Variants in SNRPN observed in about 807,000 individuals in gnomAD.
SNRPN encodes the protein small nuclear ribonucleoprotein polypeptide N, also known as small nuclear ribonucleoprotein-associated protein N.
Under a neutral mutation model 25.2 loss-of-function variants are expected in SNRPN, and 7 were observed. The observed-to-expected ratio is 0.28, with a 90% CI of 0.16 to 0.52. The LOEUF (loss-of-function observed/expected upper bound fraction) is 0.52, where lower values mean the gene tolerates loss of function less well. Ranked by LOEUF, SNRPN falls within the 20% of genes least tolerant of loss-of-function variation. The probability of loss-of-function intolerance (pLI) is 0.96; values close to 1 mark genes in which losing one functional copy is unlikely to be tolerated. For synonymous variants in SNRPN, 124 were observed against 110.6 expected, an observed-to-expected ratio of 1.12 and a Z score of -0.76; for missense variants, 196 against 322.5, an observed-to-expected ratio of 0.61 and a Z score of 3.00.
At chr15:24,938,954 T>A (rs908019481) in intron 3 of SNRPN, among the ~76,000 whole-genome samples, 2 of 152,150 alleles carry the variant, frequency 1.3e-5, no homozygotes, top group Admixed American at 1.3e-4. Context: ...TATTCGAGAA[T>A]TAGCTAGCTT....
rs187981721 is a variant in SNRPN at position 24,871,225 on chromosome 15, T to A, written c.-579+14509T>A. Among the ~76,000 whole-genome samples the A allele has an allele frequency of 5.2e-4, 79 of 152,092 alleles. No individual in the cohort carries two copies. In the East Asian group the frequency reaches 0.015, roughly 28 times the overall value. ...TATTTTTAATTTCCGTACATTTAGG[T>A]TCACTGTTTGTATTATAAAGTTATG... On this transcript the variant is annotated intron_variant, in intron 1 of 11. Coordinates refer to the SNRPN transcript ENST00000400097.
At chr15:24,949,864 G>A (rs2062131897) in intron 3 of SNRPN, among the ~76,000 whole-genome samples, 1 of 148,708 alleles carries the variant, frequency 6.7e-6, no homozygotes, top group African/African-American at 2.5e-5. Flanking sequence ...GTCTCACTCT[G>A]TTGCCCAGGC....
intron 6 of SNRPN, among the ~76,000 whole-genome samples, 187 bp from the exon 7 acceptor site, chr15:24,976,690 G>C (rs2077094869): frequency 6.6e-6 from 1 of 152,176 alleles, no homozygotes. Context: ...TTCACAATTT[G>C]ACAAATAATG....
intron 4 of SNRPN, chr15:24,974,770 G>T (rs1566974731): frequency 1.1e-5 from 7 of 616,498 alleles, no homozygotes; most frequent in Non-Finnish European, 1.1e-5. Flanking sequence ...TGTTGGCCAG[G>T]CTGGTCTCAG....
chr15:24,959,627 T>A (rs2074439733), intron 1 of SNRPN, among the ~76,000 whole-genome samples: 1 of 152,206 alleles, frequency 6.6e-6, no homozygotes, highest in Admixed American at 6.5e-5. Context: ...ATGGTTTAGT[T>A]GATAGTTTCT....
chr15:24,970,142 T>C (rs1040383879), intron 3 of SNRPN, among the ~76,000 whole-genome samples: 4 of 152,296 alleles, frequency 2.6e-5, no homozygotes, highest in Admixed American at 2.0e-4. Flanking sequence ...ATCAGATGAA[T>C]TTCTTGGGGA....
At chr15:24,944,528 T>C (rs2061761687) in intron 3 of SNRPN, among the ~76,000 whole-genome samples, 1 of 152,196 alleles carries the variant, frequency 6.6e-6, no homozygotes, top group Non-Finnish European at 1.5e-5. Flanking sequence ...TGAAATCCCA[T>C]CTGTACTAAA....
chr15:24,921,318 T>C (rs1354654264), intron 3 of SNRPN: 1 of 152,144 alleles, frequency 6.6e-6, no homozygotes, highest in East Asian at 1.9e-4. Flanking sequence ...CGTTTTTTTA[T>C]GGCCTGAAAA....
chr15:24,922,491 T>G (rs1365788900), intron 3 of SNRPN, among the ~76,000 whole-genome samples: 1 of 152,228 alleles, frequency 6.6e-6, no homozygotes, highest in Non-Finnish European at 1.5e-5. Context: ...AAGAAAGACA[T>G]GATCCTGAGC....
chr15:24,960,881 T>C (rs1170770928), intron 1 of SNRPN, among the ~76,000 whole-genome samples: 1 of 152,208 alleles, frequency 6.6e-6, no homozygotes, highest in Non-Finnish European at 1.5e-5. Context: ...TTTGAAATCA[T>C]TCTTATCAAA....
At chr15:24,856,569 C>T (rs1397389463) in exon 1 of SNRPN, 2 of 152,246 alleles carry the variant, frequency 1.3e-5, no homozygotes, top group Non-Finnish European at 2.9e-5. Context: ...TCAGAGCCTT[C>T]TGTGGGGTCT....
At chr15:24,969,276 C>T (rs1394159447) in intron 3 of SNRPN, among the ~76,000 whole-genome samples, 3 of 152,058 alleles carry the variant, frequency 2.0e-5, no homozygotes, top group African/African-American at 7.2e-5. Flanking sequence ...TTATAGGCAC[C>T]CACCACCACA....
intron 2 of SNRPN, among the ~76,000 whole-genome samples, chr15:24,914,795 CTT>C: frequency 6.6e-6 from 1 of 152,118 alleles, no homozygotes; most frequent in Middle Eastern, 3.4e-3. Context: ...GTAAAGAAAA[CTT>C]TATTCAGGAC....
intron 3 of SNRPN, among the ~76,000 whole-genome samples, chr15:24,947,913 T>C (rs2061980734): frequency 6.6e-6 from 1 of 151,978 alleles, no homozygotes; most frequent in Admixed American, 6.6e-5. Flanking sequence ...AATTTTTTTT[T>C]ATATTGATAC....
intron 1 of SNRPN, among the ~76,000 whole-genome samples, chr15:24,883,208 G>A (rs952205221): frequency 6.6e-6 from 1 of 152,192 alleles, no homozygotes; most frequent in Non-Finnish European, 1.5e-5. Context: ...AGAAACCAGC[G>A]GCTTTGCAGC....
In SNRPN at chr15:24,967,951, C is replaced by T. The variant is rs375510236; in HGVS notation, c.-275C>T. ...TTGTAGGTGTCAGTTGTACCCGAGGCGTTCTCAGCAGCAGCAAGTACCTGT... is the reference window on the plus strand; with the variant it reads ...TTGTAGGTGTCAGTTGTACCCGAGGTGTTCTCAGCAGCAGCAAGTACCTGT... On this transcript the variant is annotated 5_prime_UTR_variant, in exon 3 of 10. Coordinates refer to ENST00000390687, the MANE Select transcript of SNRPN (RefSeq NM_003097.6). The T allele has an allele frequency of 1.5e-4, 238 of 1,613,860 alleles. No individual in the cohort carries two copies. Among genetic ancestry groups the T allele is most frequent in the Non-Finnish European group, 1.7e-4 (203 of 1,179,976 alleles).
intron 2 of SNRPN, among the ~76,000 whole-genome samples, chr15:24,915,948 T>G (rs59717464): frequency 0.11 from 15,862 of 148,382 alleles, 943 homozygotes; most frequent in South Asian, 0.15. Context: ...CACATTGTGG[T>G]TTTTTTTTGG....
intron 2 of SNRPN, among the ~76,000 whole-genome samples, chr15:24,887,920 G>C (rs1301485416): frequency 6.6e-6 from 1 of 151,980 alleles, no homozygotes; most frequent in African/African-American, 2.4e-5. Context: ...CTGACCTGAG[G>C]ACTTATATTA....
chr15:24,896,424 A>G (rs987718575), intron 2 of SNRPN, among the ~76,000 whole-genome samples: 20 of 152,214 alleles, frequency 1.3e-4, no homozygotes, highest in African/African-American at 4.3e-4. Context: ...GTTCATTAAA[A>G]GGCAGAATAG....
Sources: allele counts gnomAD v4.1 joint callset (sites outside exome capture counted in the v4.1 genomes callset), GRCh38; gene constraint gnomAD v4.1.1; transcripts MANE v1.5; gene names NCBI Gene and HGNC (gene_info 2026-07-23, HGNC 2026-07-21).